The following STX6 variants were observed in gnomAD, a reference collection of about 807,000 sequenced individuals.
STX6 encodes the protein syntaxin 6.
A neutral mutation model predicts 38.0 loss-of-function variants in STX6; 23 were observed. The ratio of observed to expected loss-of-function variants is 0.60; its 90% confidence interval spans 0.43 to 0.86. The LOEUF (loss-of-function observed/expected upper bound fraction) is 0.86. Ranked by LOEUF, STX6 falls within the 40% of genes least tolerant of loss-of-function variation. STX6 has a pLI of 0.00. For synonymous variants in STX6, 123 were observed against 107.5 expected, an observed-to-expected ratio of 1.14 and a Z score of -0.89; for missense variants, 274 against 312.9, an observed-to-expected ratio of 0.88 and a Z score of 0.94.
intron 7 of STX6, among the ~76,000 whole-genome samples, chr1:180,981,461 C>G (rs892058970): frequency 3.9e-5 from 6 of 152,234 alleles, no homozygotes; most frequent in African/African-American, 1.4e-4. Context: ...TCTCCAACCC[C>G]GCCCTCAACC....
rs549436233 is a variant in STX6, at chr1:180,998,348, G to A, written c.300+4258C>T. ...TCCTGTATGTGACCACCACCACCGCGGGTAAGGATCTAAGGATCTATGGCT... is the reference window on the plus strand; with the variant it reads ...TCCTGTATGTGACCACCACCACCGCAGGTAAGGATCTAAGGATCTATGGCT... On this transcript the variant is annotated intron_variant, in intron 3 of 7. Transcript: ENST00000258301. 4.6e-5 allele frequency among the ~76,000 whole-genome samples: 7 copies of A among 152,170 alleles called. No individual in the cohort carries two copies. In the East Asian group the frequency reaches 9.7e-4, roughly 21 times the overall value.
chr1:181,006,459 AC>A (rs942655256), intron 1 of STX6, among the ~76,000 whole-genome samples: 4 of 150,234 alleles, frequency 2.7e-5, no homozygotes, highest in Admixed American at 6.7e-5. Context: ...GATTTTAAGA[AC>A]TTTTACCCCC....
At chr1:180,985,455 C>T in intron 6 of STX6, among the ~76,000 whole-genome samples, 1 of 152,344 alleles carries the variant, frequency 6.6e-6, no homozygotes, top group East Asian at 1.9e-4. Flanking sequence ...AAGGAATGTA[C>T]TTTAATAAAA....
intron 1 of STX6, among the ~76,000 whole-genome samples, chr1:181,008,095 T>A (rs750392694): frequency 6.6e-5 from 10 of 152,254 alleles, no homozygotes; most frequent in Non-Finnish European, 1.0e-4. Context: ...TTTGATAGTA[T>A]ACCAAAACTT....
intron 6 of STX6, among the ~76,000 whole-genome samples, chr1:180,987,345 C>T (rs1489789108): frequency 6.6e-6 from 1 of 152,228 alleles, no homozygotes; most frequent in African/African-American, 2.4e-5. Context: ...CATGCACTGG[C>T]CCCATCACAG....
intron 3 of STX6, among the ~76,000 whole-genome samples, chr1:181,000,717 T>C (rs1413303824): frequency 6.6e-6 from 1 of 152,176 alleles, no homozygotes; most frequent in Non-Finnish European, 1.5e-5. Flanking sequence ...ATGAACTTAA[T>C]TTTTAATATA....
intron 7 of STX6, among the ~76,000 whole-genome samples, chr1:180,983,921 G>A (rs1021249796): frequency 2.0e-5 from 3 of 151,786 alleles, no homozygotes; most frequent in Non-Finnish European, 1.5e-5. Flanking sequence ...AAAATTAGCT[G>A]GGCATGGTGG....
chr1:181,012,132 C>G (rs1571351822), intron 1 of STX6, among the ~76,000 whole-genome samples: 1 of 152,182 alleles, frequency 6.6e-6, no homozygotes, highest in African/African-American at 2.4e-5. Flanking sequence ...AGTTCTTCAG[C>G]TTAGCAAACT....
At chr1:181,010,698 A>G (rs1656367153) in intron 1 of STX6, among the ~76,000 whole-genome samples, 1 of 152,094 alleles carries the variant, frequency 6.6e-6, no homozygotes. Flanking sequence ...GCATGGCACG[A>G]CACCACTGCC....
intron 1 of STX6, among the ~76,000 whole-genome samples, chr1:181,010,558 T>A (rs546460264): frequency 6.6e-6 from 1 of 152,310 alleles, no homozygotes; most frequent in East Asian, 1.9e-4. Context: ...CGGCTCAGCC[T>A]CCTAATGTGC....
intron 1 of STX6, among the ~76,000 whole-genome samples, chr1:181,012,129 C>T (rs1416649242): frequency 6.6e-6 from 1 of 152,188 alleles, no homozygotes; most frequent in South Asian, 2.1e-4. Context: ...CAGAGTTCTT[C>T]AGCTTAGCAA....
chr1:181,013,954 G>T (rs1328531129), intron 1 of STX6, among the ~76,000 whole-genome samples: 2 of 152,198 alleles, frequency 1.3e-5, no homozygotes, highest in African/African-American at 4.8e-5. Flanking sequence ...AAGGTATAGT[G>T]GTTGTCTTTT....
At position 180,988,268 on chromosome 1, in the gene STX6, G is replaced by A. The variant is rs761047707; in HGVS notation, c.567C>T (p.Arg189=). The A allele has an allele frequency of 2.5e-6, 4 of 1,613,834 alleles. No homozygotes were observed. Among genetic ancestry groups the A allele is most frequent in the Admixed American group, 1.7e-5 (1 of 59,986 alleles). Residue 189 remains arginine (R), a synonymous_variant, in exon 6 of 8, where the codon CGC becomes CGT. Transcript: ENST00000258301. ...SIGVLKNMSQ[R]IGGELEEQAV... ...CCTGTTCCTCCAGCTCCCCTCCGAT[G>A]CGCTGGGACATGTTCTTCAGCACCC...
chr1:181,021,688 A>C (rs1173741130), intron 1 of STX6, among the ~76,000 whole-genome samples: 1 of 152,236 alleles, frequency 6.6e-6, no homozygotes, highest in Non-Finnish European at 1.5e-5. Context: ...ATCAGAATTG[A>C]TCTTCTTGCA....
At chr1:180,977,121 C>G (rs1160218923) in intron 7 of STX6, among the ~76,000 whole-genome samples, 1 of 152,178 alleles carries the variant, frequency 6.6e-6, no homozygotes, top group African/African-American at 2.4e-5. Context: ...AAATATACAG[C>G]TGAAAAAGCA....
chr1:180,982,572 T>C (rs967444025), intron 7 of STX6, among the ~76,000 whole-genome samples: 19 of 152,222 alleles, frequency 1.2e-4, no homozygotes, highest in African/African-American at 3.9e-4. Flanking sequence ...CAAGTACTTT[T>C]CTAAATTATT....
At chr1:181,001,713 G>A (rs540169242) in intron 3 of STX6, among the ~76,000 whole-genome samples, 5 of 152,178 alleles carry the variant, frequency 3.3e-5, no homozygotes, top group Non-Finnish European at 7.3e-5. Flanking sequence ...TTCTACAATA[G>A]CAATTGTTTT....
At chr1:181,013,949 A>G (rs553171466) in intron 1 of STX6, among the ~76,000 whole-genome samples, 1 of 152,334 alleles carries the variant, frequency 6.6e-6, no homozygotes, top group South Asian at 2.1e-4. Context: ...GATGGAAGGT[A>G]TAGTGGTTGT....
rs1459773713 is a variant in STX6 at position 180,975,306 on chromosome 1, T to C, written c.*1264A>G. ...ATCAGATTATTCATCAGGGAAGTTA[T>C]AAAAATATCCTATATACATGTGCAC... On this transcript the variant is annotated 3_prime_UTR_variant, in exon 8 of 8. Coordinates refer to ENST00000258301, the MANE Select transcript of STX6 (RefSeq NM_005819.6). 1 of 152,638 alleles carries C rather than the reference T, an allele frequency of 6.6e-6. No homozygotes were observed. Among genetic ancestry groups the C allele is most frequent in the Non-Finnish European group, 1.5e-5 (1 of 68,032 alleles). 9.5% of individuals were successfully genotyped at this position (152,638 alleles called of 1,614,324 possible).
Sources: allele counts gnomAD v4.1 joint callset (sites outside exome capture counted in the v4.1 genomes callset), GRCh38; gene constraint gnomAD v4.1.1; transcripts MANE v1.5; gene names NCBI Gene and HGNC (gene_info 2026-07-23, HGNC 2026-07-21).